C12orf42: variants seen among roughly 807,000 people sequenced by gnomAD.
The protein encoded by C12orf42 is chromosome 12 open reading frame 42, also known as uncharacterized protein C12orf42.
Under a neutral mutation model 21.6 loss-of-function variants are expected in C12orf42, and 25 were observed. The ratio of observed to expected loss-of-function variants is 1.16; its 90% CI spans 0.84 to 1.62. The LOEUF (loss-of-function observed/expected upper bound fraction) is 1.62. C12orf42 is among the 40% of genes most tolerant of loss of function. C12orf42 has a pLI of 0.00. For synonymous variants in C12orf42, 174 were observed against 175.0 expected (o/e 0.99, Z 0.05); for missense variants, 483 against 459.3 (o/e 1.05, Z -0.47).
At chr12:103,418,080 C>T (rs1393861120) in intron 2 of C12orf42, among the ~76,000 whole-genome samples, 1 of 152,154 alleles carries the variant, frequency 6.6e-6, no homozygotes, top group African/African-American at 2.4e-5. Flanking sequence ...TTATTTCTAC[C>T]ACTAACATAG....
chr12:103,199,681 G>T, the C12orf42 span, among the ~76,000 whole-genome samples: 1 of 152,074 alleles, frequency 6.6e-6, no homozygotes, highest in Non-Finnish European at 1.5e-5. Flanking sequence ...TTTCTCTGAA[G>T]AAGACACACA....
At chr12:103,277,139 A>G (rs12311525) in intron 5 of C12orf42, 147,941 of 455,126 alleles carry the variant, frequency 0.33, 26,814 homozygotes, top group East Asian at 0.54. Flanking sequence ...ATCATACCAA[A>G]CGATACTCAC....
chr12:103,404,907 C>T (rs1251103350), intron 2 of C12orf42, among the ~76,000 whole-genome samples: 1 of 152,316 alleles, frequency 6.6e-6, no homozygotes, highest in East Asian at 1.9e-4. Flanking sequence ...TGCACACACA[C>T]GCAAGTGCAC....
At chr12:103,460,719 C>T (rs1447848480) in intron 2 of C12orf42, among the ~76,000 whole-genome samples, 1 of 152,010 alleles carries the variant, frequency 6.6e-6, no homozygotes, top group Non-Finnish European at 1.5e-5. Flanking sequence ...TTATAAACAA[C>T]CTATTTATAA....
intron 4 of C12orf42, among the ~76,000 whole-genome samples, chr12:103,352,847 G>A (rs905892788): frequency 6.6e-6 from 1 of 152,232 alleles, no homozygotes; most frequent in Non-Finnish European, 1.5e-5. Flanking sequence ...TTGAGGAAAA[G>A]TGTCATAACA....
the C12orf42 span, among the ~76,000 whole-genome samples, chr12:103,095,829 G>A: frequency 6.6e-6 from 1 of 152,120 alleles, no homozygotes; most frequent in African/African-American, 2.4e-5. Context: ...AGAGCTTCTG[G>A]TCTAGTGGTT....
chr12:103,203,796 G>A, the C12orf42 span, among the ~76,000 whole-genome samples: 1 of 152,122 alleles, frequency 6.6e-6, no homozygotes, highest in African/African-American at 2.4e-5. Flanking sequence ...TTGGGTTACA[G>A]CACAGATATG....
At chr12:103,218,312 A>G in the C12orf42 span, among the ~76,000 whole-genome samples, 1 of 151,286 alleles carries the variant, frequency 6.6e-6, no homozygotes, top group Non-Finnish European at 1.5e-5. Flanking sequence ...CTTTCTCCCC[A>G]CTAGAATATA....
the C12orf42 span, among the ~76,000 whole-genome samples, chr12:103,065,690 A>T: frequency 1.3e-5 from 2 of 152,194 alleles, no homozygotes; most frequent in African/African-American, 4.8e-5. Context: ...TACCTTCGTA[A>T]AATTTCTAGG....
chr12:103,292,534 C>A (rs1408321649), intron 4 of C12orf42, among the ~76,000 whole-genome samples: 2 of 151,834 alleles, frequency 1.3e-5, no homozygotes, highest in African/African-American at 2.4e-5. Context: ...ATAAGGGAAC[C>A]AGAATAGTGT....
the C12orf42 span, among the ~76,000 whole-genome samples, chr12:103,554,467 C>A: frequency 6.6e-6 from 1 of 152,188 alleles, no homozygotes; most frequent in African/African-American, 2.4e-5. Context: ...TTGAGTTCTC[C>A]AGAAGCCAAC....
At chr12:103,066,111 G>T in the C12orf42 span, among the ~76,000 whole-genome samples, 1 of 152,202 alleles carries the variant, frequency 6.6e-6, no homozygotes, top group African/African-American at 2.4e-5. Context: ...ATCTTCTGCA[G>T]ATAACTACTT....
intron 1 of C12orf42, among the ~76,000 whole-genome samples, chr12:103,494,842 G>A (rs776711787): frequency 7.9e-5 from 12 of 152,302 alleles, no homozygotes; most frequent in Non-Finnish European, 1.6e-4. Flanking sequence ...GGTGTCGAAT[G>A]AATGGGAGGA....
intron 4 of C12orf42, among the ~76,000 whole-genome samples, chr12:103,286,862 G>A (rs2036495089): frequency 6.6e-6 from 1 of 151,682 alleles, no homozygotes; most frequent in South Asian, 2.1e-4. Flanking sequence ...AGGGAGGTTG[G>A]TAAAGCTGGG....
At chr12:103,312,284 A>G (rs578074041) in intron 4 of C12orf42, among the ~76,000 whole-genome samples, 1 of 152,186 alleles carries the variant, frequency 6.6e-6, no homozygotes, top group African/African-American at 2.4e-5. Flanking sequence ...GTAGTGCCAG[A>G]GGATACATGT....
the C12orf42 span, among the ~76,000 whole-genome samples, chr12:103,085,988 T>C: frequency 6.6e-6 from 1 of 152,206 alleles, no homozygotes; most frequent in Non-Finnish European, 1.5e-5. Flanking sequence ...TTCAATTTAA[T>C]CTGAATTTGT....
At position 103,413,455 on chromosome 12, in the gene C12orf42, A is replaced by G. The variant is rs572832330; in HGVS notation, c.79-11780T>C. 3.0e-4 allele frequency among the ~76,000 whole-genome samples: 44 copies of G among 146,684 alleles called. No homozygotes were observed. The South Asian group carries it at 9.5e-3, about 32-fold the overall frequency. On this transcript the variant is annotated intron_variant, in intron 2 of 5. Transcript: ENST00000548883. The stretch of plus-strand genomic sequence containing the variant: ...ACAAGCTCTTTTTTCATTCCATATG[A>G]ATTTTATTTTGGTATTTACTCTATT...
chr12:103,300,517 T>C (rs1453179200), downstream of C12orf42, among the ~76,000 whole-genome samples: 1 of 152,242 alleles, frequency 6.6e-6, no homozygotes, highest in East Asian at 1.9e-4. Flanking sequence ...GCATTTTTAA[T>C]AAATTCAGGA....
At chr12:103,557,310 T>A in the C12orf42 span, 1 of 152,092 alleles carries the variant, frequency 6.6e-6, no homozygotes, top group South Asian at 2.1e-4. Flanking sequence ...AATTTATGAG[T>A]GTTCACATGT....
Sources: allele counts gnomAD v4.1 joint callset (sites outside exome capture counted in the v4.1 genomes callset), GRCh38; gene constraint gnomAD v4.1.1; transcripts MANE v1.5; gene names NCBI Gene and HGNC (gene_info 2026-07-23, HGNC 2026-07-21).